The following ZCCHC14 variants were observed in gnomAD, a reference collection of about 807,000 sequenced individuals.
ZCCHC14 encodes zinc finger CCHC-type containing 14, also known as zinc finger CCHC domain-containing protein 14.
In ZCCHC14, 16 loss-of-function variants were observed where a neutral mutation model predicts 85.0. The observed-to-expected ratio is 0.19, with a 90% CI of 0.13 to 0.29. The LOEUF (loss-of-function observed/expected upper bound fraction) is 0.29. ZCCHC14 is among the 10% of genes least tolerant of loss of function. The pLI, the probability that ZCCHC14 is intolerant of heterozygous loss-of-function variation, is 1.00. For missense variants in ZCCHC14, 1,303 were observed against 1,443.5 expected (o/e 0.90, Z 1.58); for synonymous variants, 775 against 630.7 (o/e 1.23, Z -3.43).
In ZCCHC14 at chr16:87,406,705, T is replaced by C. The variant is rs565711344; in HGVS notation, c.*3575A>G. On this transcript the variant is annotated 3_prime_UTR_variant, in exon 13 of 13. Transcript: ENST00000671377. ...GTGAACAGTGGAGCAATGTTAACCTTTGGCCTCAACCAGCACAGTATATGG... is the reference window on the plus strand; with the variant it reads ...GTGAACAGTGGAGCAATGTTAACCTCTGGCCTCAACCAGCACAGTATATGG... 6 of 152,332 alleles carry C rather than the reference T, an allele frequency of 3.9e-5. No individual in the cohort carries two copies. The highest frequency in any genetic ancestry group is 2.0e-4 in the Admixed American group (3 of 15,294). The allele number at this position is 152,332 out of a possible 1,614,324, so 9.4% of individuals were successfully genotyped here. A position where few individuals can be genotyped will look rare whatever the true frequency, so the allele number is the denominator to read the frequency against.
intron 2 of ZCCHC14, among the ~76,000 whole-genome samples, chr16:87,458,959 G>A (rs760126033): frequency 1.5e-4 from 23 of 152,172 alleles, no homozygotes; most frequent in South Asian, 1.2e-3. Context: ...TTATTTTACC[G>A]GGTATGCATT....
At chr16:87,442,850 T>C (rs1472725568) in intron 2 of ZCCHC14, among the ~76,000 whole-genome samples, 1 of 152,178 alleles carries the variant, frequency 6.6e-6, no homozygotes, top group Non-Finnish European at 1.5e-5. Flanking sequence ...GAAAGTAGAA[T>C]CATATTTTAA....
chr16:87,475,497 G>C (rs538364010), intron 1 of ZCCHC14, among the ~76,000 whole-genome samples: 2 of 148,002 alleles, frequency 1.4e-5, no homozygotes, highest in Non-Finnish European at 3.0e-5. Context: ...AGGTTGCAGT[G>C]AGCCGAGAGT....
intron 1 of ZCCHC14, chr16:87,472,331 G>A (rs1911808007): frequency 6.6e-6 from 1 of 152,288 alleles, no homozygotes; most frequent in Non-Finnish European, 1.5e-5. Flanking sequence ...AAGGATTGAA[G>A]TAGCCAGTCC....
chr16:87,481,827 CCA>C (rs1047692510), intron 1 of ZCCHC14, among the ~76,000 whole-genome samples: 4 of 152,068 alleles, frequency 2.6e-5, no homozygotes, highest in African/African-American at 9.7e-5. Context: ...TAACAGAATA[CCA>C]CAGAGTAGGT....
Position 87,412,827 on chromosome 16 carries a change from G to C in ZCCHC14, c.1894C>G (p.Pro632Ala), listed in dbSNP as rs201226947. The change falls in exon 12 of 13, where the codon CCG (proline) becomes GCG (alanine). Residue 632 changes from proline to alanine, a missense_variant. Pro to Ala is a conservative substitution (Grantham distance 27). Transcript: ENST00000671377. ...SNPSGHHPLP[P>A]QMLSAASHIT... Reference sequence around the variant, plus strand: ...TGTGAGGCTGCGCTCAGCATCTGCGGGGGCAGGGGGTGGTGGCCTGATGGA... The same window carrying C: ...TGTGAGGCTGCGCTCAGCATCTGCGCGGGCAGGGGGTGGTGGCCTGATGGA... 64 of 1,610,204 alleles carry C rather than the reference G, an allele frequency of 4.0e-5. 2 individuals carry two copies. The Admixed American group carries it at 1.0e-3, about 25-fold the overall frequency.
At chr16:87,433,260 A>G (rs1475952708) in intron 2 of ZCCHC14, 59 bp from the exon 3 acceptor site, 1 of 1,507,506 alleles carries the variant, frequency 6.6e-7, no homozygotes, top group African/African-American at 1.4e-5. Flanking sequence ...ATACATGATT[A>G]TTTAGCATTT....
chr16:87,439,093 T>C (rs1423056093), intron 2 of ZCCHC14, among the ~76,000 whole-genome samples: 8 of 152,060 alleles, frequency 5.3e-5, no homozygotes, highest in Non-Finnish European at 1.2e-4. Flanking sequence ...GAATCTTCTT[T>C]ATAGGATTCC....
chr16:87,487,857 C>T (rs751195173), intron 1 of ZCCHC14, among the ~76,000 whole-genome samples: 7 of 151,900 alleles, frequency 4.6e-5, no homozygotes, highest in African/African-American at 9.7e-5. Flanking sequence ...CCTGACATCA[C>T]GACACCGAGT....
Position 87,492,068 on chromosome 16 carries a change from G to C in ZCCHC14, c.171C>G (p.His57Gln). Residue 57 changes from histidine to glutamine, a missense_variant, in exon 1 of 13, where the codon CAC (histidine) becomes CAG (glutamine). Physicochemically the swap from His to Gln is conservative, Grantham distance 24. Coordinates refer to ENST00000671377, the MANE Select transcript of ZCCHC14 (RefSeq NM_015144.3). The surrounding 1 kb of genome is among the most constrained non-coding windows in gnomAD (Gnocchi z 6.7). The stretch of plus-strand genomic sequence containing the variant: ...CCTTGATCTCCGAGTCGCGCAGCGA[G>C]TGGTAGTCCTTGCGGGCCAGGTCCT... ...CLEDLARKDYHSLRDSEIKAN... is the reference protein window; with the variant it reads ...CLEDLARKDYQSLRDSEIKAN... 7.1e-7 allele frequency: 1 copy of C among 1,400,624 alleles called. No individual in the cohort carries two copies. The highest frequency in any genetic ancestry group is 9.2e-7 in the Non-Finnish European group (1 of 1,086,810). 86.8% of individuals were successfully genotyped at this position (1,400,624 alleles called of 1,614,324 possible). A position where few individuals can be genotyped will look rare whatever the true frequency, so the allele number is the denominator to read the frequency against.
intron 2 of ZCCHC14, among the ~76,000 whole-genome samples, chr16:87,447,424 C>A (rs959370134): frequency 2.0e-5 from 3 of 152,128 alleles, no homozygotes; most frequent in Admixed American, 1.3e-4. Context: ...TGAATCAAGA[C>A]GCAGTGCTTT....
At chr16:87,456,370 A>C (rs567731139) in intron 2 of ZCCHC14, among the ~76,000 whole-genome samples, 1 of 152,000 alleles carries the variant, frequency 6.6e-6, no homozygotes, top group Admixed American at 6.6e-5. Context: ...CTCTACTAAA[A>C]ATATAAAAAA....
intron 1 of ZCCHC14, among the ~76,000 whole-genome samples, chr16:87,477,406 A>G (rs1912070361): frequency 6.6e-6 from 1 of 152,192 alleles, no homozygotes; most frequent in Non-Finnish European, 1.5e-5. Flanking sequence ...CACATGGGGC[A>G]GCCCCGGGCA....
At position 87,420,094 on chromosome 16, in the gene ZCCHC14, C is replaced by T. The variant is rs1186973824; in HGVS notation, c.951-217G>A. Among the ~76,000 whole-genome samples, 13 of 152,204 alleles carry T rather than the reference C, an allele frequency of 8.5e-5. No individual in the cohort carries two copies. Among genetic ancestry groups the T allele is most frequent in the Admixed American group, 8.5e-4 (13 of 15,280 alleles). ...TTCCTCTCAATGCTGTATTCATGGC[C>T]ACCAAGGTTGACGACAGCAGTCATG... On this transcript the variant is annotated intron_variant, in intron 5 of 12. Coordinates refer to ENST00000671377, the MANE Select transcript of ZCCHC14 (RefSeq NM_015144.3). This position sits in a 1 kb window ranked among gnomAD's most constrained non-coding sequence, Gnocchi z 5.0.
At chr16:87,487,808 AGAG>A (rs1411379674) in intron 1 of ZCCHC14, among the ~76,000 whole-genome samples, 1 of 152,226 alleles carries the variant, frequency 6.6e-6, no homozygotes, top group Non-Finnish European at 1.5e-5. Flanking sequence ...CGGCAGCGAA[AGAG>A]GAGGAAGTGC....
Position 87,412,987 on chromosome 16 carries a change from A to C in ZCCHC14, c.1745-11T>G. ...AGTGAATCTCCACACCTAGAGAGGGAAACAAGAGTGGTCAGTGCCATTCCA... is the reference window on the plus strand; with the variant it reads ...AGTGAATCTCCACACCTAGAGAGGGCAACAAGAGTGGTCAGTGCCATTCCA... On this transcript the variant is annotated splice_polypyrimidine_tract_variant and intron_variant, in intron 11 of 12. Transcript: ENST00000671377. 2 of 1,613,402 alleles carry C rather than the reference A, an allele frequency of 1.2e-6. No individual in the cohort carries two copies. Among genetic ancestry groups the C allele is most frequent in the South Asian group, 1.1e-5 (1 of 90,992 alleles).
At chr16:87,432,237 T>C (rs1054767856) in intron 3 of ZCCHC14, among the ~76,000 whole-genome samples, 2 of 151,898 alleles carry the variant, frequency 1.3e-5, no homozygotes, top group African/African-American at 4.8e-5. Context: ...AATGTCCCCC[T>C]GTCAGGGTTC....
intron 2 of ZCCHC14, among the ~76,000 whole-genome samples, chr16:87,456,844 A>G (rs1910993361): frequency 6.6e-6 from 1 of 152,252 alleles, no homozygotes; most frequent in Non-Finnish European, 1.5e-5. Flanking sequence ...CTAAGACCAA[A>G]AAGATTGAAA....
At chr16:87,421,747 G>A (rs1300420259) in intron 4 of ZCCHC14, among the ~76,000 whole-genome samples, 4 of 152,166 alleles carry the variant, frequency 2.6e-5, no homozygotes, top group African/African-American at 9.7e-5. Context: ...GAGAGGCCCT[G>A]AGGGTAACAG....
Sources: gnomAD v4.1 joint callset for allele counts (sites outside exome capture counted in the v4.1 genomes callset) on GRCh38, gnomAD v4.1.1 for gene constraint, Gnocchi (gnomAD v3.1) non-coding constraint, MANE v1.5 for transcripts, NCBI Gene and HGNC (gene_info 2026-07-23, HGNC 2026-07-21) for gene names.